Variants in DOK5 observed in about 807,000 individuals in gnomAD.
The protein encoded by DOK5 is docking protein 5.
A neutral mutation model predicts 43.3 loss-of-function variants in DOK5; 27 were observed. That is an observed-to-expected ratio of 0.62 (90% CI 0.46 to 0.86). The LOEUF (loss-of-function observed/expected upper bound fraction) is 0.86. DOK5 is among the 40% of genes least tolerant of loss of function. DOK5 has a pLI of 0.00. For synonymous variants in DOK5, 146 were observed against 140.1 expected (o/e 1.04, Z -0.30); for missense variants, 373 against 392.9 (o/e 0.95, Z 0.43).
chr20:54,523,008 G>A (rs1983464995), intron 1 of DOK5, among the ~76,000 whole-genome samples: 1 of 152,072 alleles, frequency 6.6e-6, no homozygotes, highest in Admixed American at 6.5e-5. Context: ...ATCCTTCTAA[G>A]CCTATTAGAG....
intron 1 of DOK5, among the ~76,000 whole-genome samples, chr20:54,508,884 A>G (rs1301587862): frequency 6.9e-6 from 1 of 145,122 alleles, no homozygotes; most frequent in Non-Finnish European, 1.5e-5. Context: ...CCAGCTATTT[A>G]TTTATTTTTT....
chr20:54,487,773 A>AC (rs914572168), intron 1 of DOK5, among the ~76,000 whole-genome samples: 2 of 151,952 alleles, frequency 1.3e-5, no homozygotes, highest in African/African-American at 4.8e-5. Context: ...GTCACTTCTC[A>AC]CCCCCCAAAA....
chr20:54,614,919 G>A (rs1460128359), intron 6 of DOK5, among the ~76,000 whole-genome samples: 3 of 152,142 alleles, frequency 2.0e-5, no homozygotes, highest in Non-Finnish European at 4.4e-5. Flanking sequence ...TTATTGTTTT[G>A]CCTTTTCTGG....
intron 1 of DOK5, among the ~76,000 whole-genome samples, chr20:54,508,160 C>T (rs758722112): frequency 2.0e-5 from 3 of 152,042 alleles, no homozygotes; most frequent in Non-Finnish European, 2.9e-5. Flanking sequence ...CCATAGACTT[C>T]AAACTTTTCT....
intron 1 of DOK5, among the ~76,000 whole-genome samples, chr20:54,511,641 A>G (rs2146687853): frequency 6.6e-6 from 1 of 152,344 alleles, no homozygotes; most frequent in African/African-American, 2.4e-5. Context: ...CAAACTAAGC[A>G]AAGAGGAAGG....
At chr20:54,544,324 C>G (rs1183424538) in intron 1 of DOK5, among the ~76,000 whole-genome samples, 3 of 152,022 alleles carry the variant, frequency 2.0e-5, no homozygotes, top group Non-Finnish European at 4.4e-5. Context: ...TCTGACCCAG[C>G]TCATTATTTT....
intron 2 of DOK5, among the ~76,000 whole-genome samples, chr20:54,586,016 C>T (rs1293330474): frequency 2.6e-5 from 4 of 151,958 alleles, no homozygotes; most frequent in East Asian, 1.9e-4. Context: ...TCCAGCTACT[C>T]GGGAGGCTGA....
chr20:54,634,437 C>CTTTTTTTT lies in DOK5; in HGVS notation c.736-9006_736-8999dup, dbSNP rs11470013. Among the ~76,000 whole-genome samples, 27 of 90,406 alleles carry CTTTTTTTT rather than the reference C, an allele frequency of 3.0e-4. 1 individual carries two copies. The highest frequency in any genetic ancestry group is 8.2e-4 in the African/African-American group (14 of 17,166). 59.3% of individuals were successfully genotyped at this position (90,406 alleles called of 152,430 possible). On this transcript the variant is annotated intron_variant, in intron 6 of 7. Transcript: ENST00000262593. Reference sequence around the variant, plus strand: ...CACTCAACTAATTCATCATATCATGCTTTTTTTTTTTTTTTTTTTTTTGAG... The same window carrying CTTTTTTTT: ...CACTCAACTAATTCATCATATCATGCTTTTTTTTTTTTTTTTTTTTTTTTTTTTTTGAG...
intron 6 of DOK5, among the ~76,000 whole-genome samples, chr20:54,611,983 T>G (rs1433171233): frequency 1.3e-5 from 2 of 152,336 alleles, no homozygotes; most frequent in Non-Finnish European, 1.5e-5. Flanking sequence ...CTGCAAGTAC[T>G]TAACTGCCCT....
At chr20:54,510,297 G>A (rs950920050) in intron 1 of DOK5, among the ~76,000 whole-genome samples, 2 of 152,050 alleles carry the variant, frequency 1.3e-5, no homozygotes, top group Non-Finnish European at 2.9e-5. Flanking sequence ...GTAATTAAGA[G>A]TCACACTTGA....
chr20:54,501,311 C>CA (rs1393628851), intron 1 of DOK5, among the ~76,000 whole-genome samples: 1 of 151,284 alleles, frequency 6.6e-6, no homozygotes, highest in Non-Finnish European at 1.5e-5. Flanking sequence ...ACTAAAAATA[C>CA]AAAAAATTAG....
chr20:54,611,006 A>G (rs1210575096), intron 6 of DOK5, among the ~76,000 whole-genome samples: 2 of 152,206 alleles, frequency 1.3e-5, no homozygotes, highest in Non-Finnish European at 2.9e-5. Flanking sequence ...TTTCAAGGGA[A>G]GCCAAAGATT....
intron 2 of DOK5, among the ~76,000 whole-genome samples, chr20:54,568,472 A>G (rs1985165708): frequency 6.6e-6 from 1 of 152,216 alleles, no homozygotes; most frequent in Admixed American, 6.5e-5. Flanking sequence ...TCCGTTTGGG[A>G]GAAATCACAG....
At chr20:54,575,593 A>G (rs1985428877) in intron 2 of DOK5, among the ~76,000 whole-genome samples, 1 of 152,142 alleles carries the variant, frequency 6.6e-6, no homozygotes, top group Non-Finnish European at 1.5e-5. Flanking sequence ...GGCACCCGCC[A>G]CCATGCCTAG....
intron 1 of DOK5, among the ~76,000 whole-genome samples, chr20:54,490,999 G>A (rs1383417800): frequency 6.6e-6 from 1 of 152,126 alleles, no homozygotes; most frequent in East Asian, 1.9e-4. Context: ...TGTCAGTAAC[G>A]TTCTTCCATG....
intron 1 of DOK5, among the ~76,000 whole-genome samples, chr20:54,542,624 G>A (rs1984204097): frequency 6.6e-6 from 1 of 152,118 alleles, no homozygotes; most frequent in African/African-American, 2.4e-5. Context: ...CCATCAGAAT[G>A]TTTTCAAAAT....
At position 54,610,520 on chromosome 20, in the gene DOK5, G is replaced by T. The variant is rs761682072; in HGVS notation, c.732G>T (p.Ser244=). 2.7e-6 allele frequency: 4 copies of T among 1,497,182 alleles called. No homozygotes were observed. In the East Asian group the frequency reaches 9.7e-5, roughly 36 times the overall value. 92.7% of individuals were successfully genotyped at this position (1,497,182 alleles called of 1,614,324 possible). A position where few individuals can be genotyped will look rare whatever the true frequency, so the allele number is the denominator to read the frequency against. The change falls in exon 6 of 8, where the codon TCG becomes TCT. Residue 244 remains serine, a synonymous_variant. Coordinates refer to ENST00000262593, the MANE Select transcript of DOK5 (RefSeq NM_018431.5). ...GCTTGCTACAGAGTGTGAAAAACTC[G>T]ATGGTACGTTTGGAATTTCTTCCTC... ...HERLLQSVKN[S]MLQMKMSERA...
chr20:54,632,694 C>T (rs1423760794), intron 6 of DOK5, among the ~76,000 whole-genome samples: 1 of 152,138 alleles, frequency 6.6e-6, no homozygotes, highest in African/African-American at 2.4e-5. Context: ...AATGATTGTT[C>T]TAAAGGTAAT....
intron 1 of DOK5, among the ~76,000 whole-genome samples, chr20:54,496,995 G>A (rs572573315): frequency 8.3e-4 from 127 of 152,180 alleles, no homozygotes; most frequent in Non-Finnish European, 1.4e-3. Flanking sequence ...GGAGGCGGTG[G>A]ACAGACAGAT....
Sources: gnomAD v4.1 joint callset for allele counts (sites outside exome capture counted in the v4.1 genomes callset) on GRCh38, gnomAD v4.1.1 for gene constraint, MANE v1.5 for transcripts, NCBI Gene and HGNC (gene_info 2026-07-23, HGNC 2026-07-21) for gene names.